TOP1MT: variants seen among roughly 807,000 people sequenced by gnomAD.
The protein encoded by TOP1MT is DNA topoisomerase I, mitochondrial.
A neutral mutation model predicts 73.9 loss-of-function variants in TOP1MT; 80 were observed. That is an observed-to-expected ratio of 1.08 (90% CI 0.90 to 1.30). The LOEUF (loss-of-function observed/expected upper bound fraction) is 1.30, where lower values mean the gene tolerates loss of function less well. TOP1MT is among the 50% of genes most tolerant of loss of function. The pLI, the probability that TOP1MT is intolerant of heterozygous loss-of-function variation, is 0.00. For missense variants in TOP1MT, 815 were observed against 808.0 expected, an observed-to-expected ratio of 1.01 and a Z score of -0.10; for synonymous variants, 338 against 326.4, an observed-to-expected ratio of 1.04 and a Z score of -0.38.
Position 143,309,338 on chromosome 8 carries a change from T to C in TOP1MT, c.*103A>G. On this transcript the variant is annotated 3_prime_UTR_variant, in exon 14 of 14. Coordinates refer to ENST00000329245, the MANE Select transcript of TOP1MT (RefSeq NM_052963.3). Reference sequence around the variant, plus strand: ...GGCCTGGGGACTTTTTCTAGTGATGTACAAGCACTTGCACACATTTTATTG... The same window carrying C: ...GGCCTGGGGACTTTTTCTAGTGATGCACAAGCACTTGCACACATTTTATTG... 1 of 1,289,370 alleles carries C rather than the reference T, an allele frequency of 7.8e-7. No homozygotes were observed. Among genetic ancestry groups the C allele is most frequent in the Non-Finnish European group, 1.1e-6 (1 of 928,872 alleles). The allele number at this position is 1,289,370 out of a possible 1,614,324, so 79.9% of individuals were successfully genotyped here. A position where few individuals can be genotyped will look rare whatever the true frequency, so the allele number is the denominator to read the frequency against.
intron 12 of TOP1MT, among the ~76,000 whole-genome samples, chr8:143,313,268 T>C (rs912274350): frequency 6.6e-6 from 1 of 152,200 alleles, no homozygotes. Context: ...AAGAAAGATG[T>C]GGCCGGGCGC....
chr8:143,311,380 G>T (rs1358452244), intron 12 of TOP1MT, among the ~76,000 whole-genome samples: 1 of 151,856 alleles, frequency 6.6e-6, no homozygotes, highest in East Asian at 1.9e-4. Context: ...CATTTCCTTC[G>T]CACACGCCAC....
In TOP1MT at chr8:143,318,087, C is replaced by T. The variant is rs766677858; in HGVS notation, c.1147-1G>A. ...TAAAGAGCTGTAAGTTCTTGTACACCTGAAGGAGAAAGAAGGAATTTCAGA... is the reference window on the plus strand; with the variant it reads ...TAAAGAGCTGTAAGTTCTTGTACACTTGAAGGAGAAAGAAGGAATTTCAGA... On this transcript the variant is annotated splice_acceptor_variant, in intron 8 of 13. Transcript: ENST00000329245. LOFTEE classifies it high-confidence loss of function. 4 of 1,613,838 alleles carry T rather than the reference C, an allele frequency of 2.5e-6. No individual in the cohort carries two copies. Among genetic ancestry groups the T allele is most frequent in the South Asian group, 2.2e-5 (2 of 91,076 alleles).
upstream of TOP1MT, among the ~76,000 whole-genome samples, chr8:143,335,493 T>C (rs1482831715): frequency 6.6e-6 from 1 of 152,220 alleles, no homozygotes; most frequent in Admixed American, 6.5e-5. Context: ...CAGGCACAGC[T>C]GGAGCCTCCT....
At chr8:143,318,138 A>T in intron 8 of TOP1MT, 52 bp from the exon 9 acceptor site, 1 of 1,559,436 alleles carries the variant, frequency 6.4e-7, no homozygotes. Context: ...GAATCCAGTG[A>T]GGACCTGAAG....
intron 2 of TOP1MT, 122 bp downstream of exon 2, chr8:143,331,102 C>T (rs1411810463): frequency 8.3e-6 from 6 of 725,420 alleles, no homozygotes; most frequent in African/African-American, 7.1e-5. Flanking sequence ...AAGAAGAGGG[C>T]ACAGAGCGCT....
intron 7 of TOP1MT, among the ~76,000 whole-genome samples, chr8:143,322,783 G>T (rs1476991158): frequency 3.3e-5 from 1 of 30,552 alleles, no homozygotes; most frequent in Non-Finnish European, 5.5e-5. Flanking sequence ...ACACAGGCAC[G>T]CCACACACAT....
upstream of TOP1MT, among the ~76,000 whole-genome samples, chr8:143,346,381 C>A (rs183023155): frequency 3.3e-5 from 5 of 152,350 alleles, no homozygotes; most frequent in African/African-American, 1.2e-4. Context: ...AAACTTAGTT[C>A]TTGGACCAGG....
At chr8:143,315,951 G>T (rs1302139704) in intron 11 of TOP1MT, 48 bp downstream of exon 11, 2 of 1,612,682 alleles carry the variant, frequency 1.2e-6, no homozygotes. Flanking sequence ...TGGGGAGGGG[G>T]AGGGGTCCCT....
intron 6 of TOP1MT, 30 bp from the exon 7 acceptor site, chr8:143,324,172 C>T (rs1368752192): frequency 1.9e-6 from 3 of 1,609,990 alleles, no homozygotes; most frequent in African/African-American, 2.7e-5. Context: ...GGAAAGAAAA[C>T]ATTCACATTC....
Position 143,324,553 on chromosome 8 carries a change from C to A in TOP1MT, c.748G>T (p.Ala250Ser). The A allele has an allele frequency of 6.2e-7, 1 of 1,613,874 alleles. No individual in the cohort carries two copies. Among genetic ancestry groups the A allele is most frequent in the Non-Finnish European group, 8.5e-7 (1 of 1,180,012 alleles). Reference sequence around the variant, plus strand: ...TTCTGAACGCTCTCGGTCCAAGCTGCCAGCCACGTGACGGTGTTATCGGAG... The same window carrying A: ...TTCTGAACGCTCTCGGTCCAAGCTGACAGCCACGTGACGGTGTTATCGGAG... ...VRSDNTVTWL[A>S]AWTESVQNSI... Residue 250 changes from alanine to serine, a missense_variant, in exon 6 of 14, where the codon GCA (alanine) becomes TCA (serine). Ala to Ser is a moderately conservative substitution (Grantham distance 99). Transcript: ENST00000329245.
chr8:143,315,185 C>T (rs1299019200), intron 12 of TOP1MT, among the ~76,000 whole-genome samples: 1 of 152,156 alleles, frequency 6.6e-6, no homozygotes, highest in African/African-American at 2.4e-5. Context: ...CAGGCTCGCC[C>T]GCAGTTATCC....
chr8:143,327,904 A>G, intron 3 of TOP1MT: 1 of 328,282 alleles, frequency 3.0e-6, no homozygotes, highest in Non-Finnish European at 5.9e-6. Context: ...AAATTAACTC[A>G]GAGTTCCACC....
rs1184377438 is a variant in TOP1MT at position 143,325,460 on chromosome 8, A to G, written c.557T>C (p.Ile186Thr). The G allele has an allele frequency of 6.2e-7, 1 of 1,613,286 alleles. No homozygotes were observed. The highest frequency in any genetic ancestry group is 8.5e-7 in the Non-Finnish European group (1 of 1,179,442). The change falls in exon 5 of 14, where the codon ATA (isoleucine) becomes ACA (threonine). Residue 186 changes from isoleucine (I) to threonine (T), a missense_variant. Coordinates refer to ENST00000329245, the MANE Select transcript of TOP1MT (RefSeq NM_052963.3). ...AGGCGGCTCAATCTTGAAGTTGCCTATTTTTTCTTGGTGACCATCTAAAAT... is the reference window on the plus strand; with the variant it reads ...AGGCGGCTCAATCTTGAAGTTGCCTGTTTTTTCTTGGTGACCATCTAAAAT... ...YCILDGHQEK[I>T]GNFKIEPPGL...
In TOP1MT at chr8:143,322,180, C is replaced by T. The variant is rs561587015; in HGVS notation, c.961-794G>A. ...ACGCCACACACGCATGCCACACGCACGCCACACAGGCACGCCACACACACA... is the reference window on the plus strand; with the variant it reads ...ACGCCACACACGCATGCCACACGCATGCCACACAGGCACGCCACACACACA... On this transcript the variant is annotated intron_variant, in intron 7 of 13. Coordinates refer to ENST00000329245, the MANE Select transcript of TOP1MT (RefSeq NM_052963.3). Among the ~76,000 whole-genome samples the T allele has an allele frequency of 3.9e-4, 38 of 97,976 alleles. 1 individual carries two copies. The highest frequency in any genetic ancestry group is 7.3e-4 in the Non-Finnish European group (34 of 46,742). 64.3% of individuals were successfully genotyped at this position (97,976 alleles called of 152,430 possible).
In TOP1MT at chr8:143,325,414, G is replaced by C; in HGVS notation, c.603C>G (p.Gly201=). ...IEPPGLFRGR[G]DHPKMGMLKR... ...TCAGCATCCCCATCTTGGGATGGTC[G>C]CCACGGCCACGGAACAAGCCAGGCG... The change falls in exon 5 of 14, where the codon GGC becomes GGG. Residue 201 remains glycine, a synonymous_variant. Coordinates refer to ENST00000329245, the MANE Select transcript of TOP1MT (RefSeq NM_052963.3). The C allele has an allele frequency of 6.2e-7, 1 of 1,612,530 alleles. No individual in the cohort carries two copies. Among genetic ancestry groups the C allele is most frequent in the Non-Finnish European group, 8.5e-7 (1 of 1,178,774 alleles).
In TOP1MT at chr8:143,325,352, C is replaced by T; in HGVS notation, c.665G>A (p.Cys222Tyr). 1 of 1,587,352 alleles carries T rather than the reference C, an allele frequency of 6.3e-7. No individual in the cohort carries two copies. Among genetic ancestry groups the T allele is most frequent in the Non-Finnish European group, 8.6e-7 (1 of 1,159,734 alleles). Residue 222 changes from cysteine to tyrosine, a missense_variant, in exon 5 of 14, where the codon TGC becomes TAC. Cys to Tyr is a radical substitution (Grantham distance 194). Coordinates refer to ENST00000329245, the MANE Select transcript of TOP1MT (RefSeq NM_052963.3). ...TGCCCGCCCGGCCACGCACCTGCTGCAGTTGATAACCACATCCTCTGGCGT... is the reference window on the plus strand; with the variant it reads ...TGCCCGCCCGGCCACGCACCTGCTGTAGTTGATAACCACATCCTCTGGCGT... ...RITPEDVVIN[C>Y]SRDSKIPEPP...
rs1457191397 is a variant in TOP1MT, at chr8:143,324,614, G to A, written c.687C>T (p.Pro229=). 30 of 1,613,154 alleles carry A rather than the reference G, an allele frequency of 1.9e-5. No homozygotes were observed. Among genetic ancestry groups the A allele is most frequent in the African/African-American group, 6.7e-5 (5 of 74,900 alleles). Residue 229 remains proline (P), a synonymous_variant, in exon 6 of 14, where the codon CCC becomes CCT. Coordinates refer to ENST00000329245, the MANE Select transcript of TOP1MT (RefSeq NM_052963.3). ...TCCACTGGTGCCCCGCCGGCGGCTC[G>A]GGGATCTTCGAGTCCCTGCAGCAGA... ...VINCSRDSKI[P]EPPAGHQWKE...
At chr8:143,320,352 G>A (rs1203085535) in intron 8 of TOP1MT, among the ~76,000 whole-genome samples, 2 of 152,016 alleles carry the variant, frequency 1.3e-5, no homozygotes, top group African/African-American at 2.4e-5. Flanking sequence ...GGATGGTCTC[G>A]ATCTCCTGAC....
Sources: allele counts gnomAD v4.1 joint callset (sites outside exome capture counted in the v4.1 genomes callset), GRCh38; gene constraint gnomAD v4.1.1; transcripts MANE v1.5; gene names NCBI Gene and HGNC (gene_info 2026-07-23, HGNC 2026-07-21).